DAAM1: variants seen among roughly 807,000 people sequenced by gnomAD.
DAAM1 encodes the protein dishevelled associated activator of morphogenesis 1.
Under a neutral mutation model 130.0 loss-of-function variants are expected in DAAM1, and 52 were observed. That is an observed-to-expected ratio of 0.40 (90% confidence interval 0.32 to 0.50). The LOEUF (loss-of-function observed/expected upper bound fraction) is 0.50. DAAM1 is among the 20% of genes least tolerant of loss of function. The pLI, the probability that DAAM1 is intolerant of heterozygous loss-of-function variation, is 0.61. For synonymous variants in DAAM1, 452 were observed against 444.5 expected, an observed-to-expected ratio of 1.02 and a Z score of -0.21; for missense variants, 1,134 against 1,303.8, an observed-to-expected ratio of 0.87 and a Z score of 2.01.
chr14:59,367,899 C>G (rs765410669), intron 24 of DAAM1, among the ~76,000 whole-genome samples: 27 of 151,910 alleles, frequency 1.8e-4, no homozygotes, highest in Non-Finnish European at 4.0e-4. Context: ...ATAATAGCAC[C>G]AAGCTAAAGA....
At chr14:59,269,488 A>G (rs1253002) in intron 2 of DAAM1, among the ~76,000 whole-genome samples, 5,223 of 152,304 alleles carry the variant, frequency 0.034, 128 homozygotes, top group Non-Finnish European at 0.05. Flanking sequence ...ACATCTACAT[A>G]ACTCAGCATT....
chr14:59,259,574 C>G (rs1882072469), intron 1 of DAAM1, among the ~76,000 whole-genome samples: 1 of 152,200 alleles, frequency 6.6e-6, no homozygotes, highest in African/African-American at 2.4e-5. Flanking sequence ...GATCTCTCTT[C>G]AGTTTACCAA....
chr14:59,322,252 T>C (rs929282531), intron 5 of DAAM1, among the ~76,000 whole-genome samples: 6 of 152,108 alleles, frequency 3.9e-5, no homozygotes, highest in African/African-American at 1.4e-4. Flanking sequence ...ACATGGTCAC[T>C]CACTATCCCA....
chr14:59,362,748 CT>C (rs1886759786), intron 22 of DAAM1: 1 of 152,024 alleles, frequency 6.6e-6, no homozygotes, highest in South Asian at 2.1e-4. Flanking sequence ...GACTACGCTC[CT>C]GCTTGTGAAG....
chr14:59,195,854 C>T (rs1380022031), intron 1 of DAAM1, among the ~76,000 whole-genome samples: 1 of 151,740 alleles, frequency 6.6e-6, no homozygotes, highest in East Asian at 1.9e-4. Context: ...ACAAACTGTA[C>T]CTGTAATTCT....
chr14:59,218,125 C>G (rs1185941004), intron 1 of DAAM1, among the ~76,000 whole-genome samples: 2 of 151,980 alleles, frequency 1.3e-5, no homozygotes, highest in Non-Finnish European at 2.9e-5. Context: ...AGAGGAAGAT[C>G]TCATCTCCAA....
intron 19 of DAAM1, among the ~76,000 whole-genome samples, chr14:59,354,697 G>C (rs987595308): frequency 1.3e-5 from 2 of 152,202 alleles, no homozygotes; most frequent in African/African-American, 4.8e-5. Context: ...CGGAACGCAG[G>C]CTGGAATCAG....
chr14:59,332,153 T>C (rs1009127665), intron 15 of DAAM1, among the ~76,000 whole-genome samples: 4 of 152,210 alleles, frequency 2.6e-5, no homozygotes, highest in African/African-American at 9.6e-5. Context: ...TCTAAGACCT[T>C]GTCTCTATTG....
At chr14:59,313,891 T>G (rs1884687440) in intron 3 of DAAM1, among the ~76,000 whole-genome samples, 1 of 152,248 alleles carries the variant, frequency 6.6e-6, no homozygotes, top group Non-Finnish European at 1.5e-5. Flanking sequence ...TGCTGTAGCC[T>G]TAGTCCCCAT....
rs138720371 is a variant in DAAM1 at position 59,287,314 on chromosome 14, C to T, written c.184-3903C>T. ...TAGCAAGAGCCATCTATGACAAACC[C>T]ACAGCCAGCATCATACTGAATGGAC... On this transcript the variant is annotated intron_variant, in intron 2 of 24. Transcript: ENST00000360909. Among the ~76,000 whole-genome samples the T allele has an allele frequency of 2.3e-3, 345 of 152,256 alleles. 1 individual carries two copies. Among genetic ancestry groups the T allele is most frequent in the Admixed American group, 4.8e-3 (74 of 15,292 alleles).
At chr14:59,291,194 C>T in intron 2 of DAAM1, 23 bp from the exon 3 acceptor site, 2 of 1,580,692 alleles carry the variant, frequency 1.3e-6, no homozygotes, top group Admixed American at 1.8e-5. Flanking sequence ...CTATGAAACA[C>T]TAATTATTTT....
At chr14:59,300,510 T>C (rs1884127154) in intron 3 of DAAM1, among the ~76,000 whole-genome samples, 1 of 152,222 alleles carries the variant, frequency 6.6e-6, no homozygotes. Flanking sequence ...CTGATAACTT[T>C]CCTCTCAAGT....
chr14:59,354,271 A>T (rs1050721514), intron 19 of DAAM1, among the ~76,000 whole-genome samples: 4 of 152,200 alleles, frequency 2.6e-5, no homozygotes, highest in Non-Finnish European at 5.9e-5. Context: ...CACGTTAGCC[A>T]GGATGGTCTC....
chr14:59,252,229 T>C (rs1474267737), intron 1 of DAAM1, among the ~76,000 whole-genome samples: 2 of 152,180 alleles, frequency 1.3e-5, no homozygotes, highest in Non-Finnish European at 2.9e-5. Flanking sequence ...TCCATCTTGG[T>C]AATCAGTTCA....
At chr14:59,268,134 C>A (rs2139515938) in intron 2 of DAAM1, among the ~76,000 whole-genome samples, 1 of 152,214 alleles carries the variant, frequency 6.6e-6, no homozygotes, top group African/African-American at 2.4e-5. Flanking sequence ...AACTCCTGAC[C>A]TTGTGATCCG....
chr14:59,196,600 G>A (rs1887901460), intron 1 of DAAM1, among the ~76,000 whole-genome samples: 1 of 152,122 alleles, frequency 6.6e-6, no homozygotes, highest in Admixed American at 6.5e-5. Flanking sequence ...AAAATTAGCC[G>A]GGCGTGGTGG....
intron 1 of DAAM1, among the ~76,000 whole-genome samples, chr14:59,191,334 C>T (rs1422562260): frequency 6.6e-6 from 1 of 151,872 alleles, no homozygotes; most frequent in Non-Finnish European, 1.5e-5. Context: ...GCTTGTCTAC[C>T]CTACTAGATT....
chr14:59,355,708 C>G (rs1176351175), intron 20 of DAAM1, among the ~76,000 whole-genome samples: 1 of 152,060 alleles, frequency 6.6e-6, no homozygotes, highest in Admixed American at 6.6e-5. Context: ...TAATTTTTCA[C>G]AAATTAAACA....
At position 59,367,418 on chromosome 14, in the gene DAAM1, C is replaced by G. The variant is rs1886962660; in HGVS notation, c.2827-11C>G. 1 of 1,588,350 alleles carries G rather than the reference C, an allele frequency of 6.3e-7. No homozygotes were observed. Among genetic ancestry groups the G allele is most frequent in the Non-Finnish European group, 8.6e-7 (1 of 1,165,026 alleles). The stretch of plus-strand genomic sequence containing the variant: ...TGAAACATTGACTTCTTAAAACCAT[C>G]TTTTTCCTAGTTTACTAAAGCAGTG... On this transcript the variant is annotated splice_polypyrimidine_tract_variant and intron_variant, in intron 23 of 24. Coordinates refer to ENST00000360909, the MANE Select transcript of DAAM1 (RefSeq NM_001270520.2).
Sources: gnomAD v4.1 joint callset for allele counts (sites outside exome capture counted in the v4.1 genomes callset) on GRCh38, gnomAD v4.1.1 for gene constraint, MANE v1.5 for transcripts, NCBI Gene and HGNC (gene_info 2026-07-23, HGNC 2026-07-21) for gene names.